NRK: variants seen among roughly 807,000 people sequenced by gnomAD.
NRK encodes Nik related kinase, also known as nik-related protein kinase.
A neutral mutation model predicts 125.2 loss-of-function variants in NRK; 67 were observed. The ratio of observed to expected loss-of-function variants is 0.54; its 90% CI spans 0.44 to 0.66. The LOEUF is 0.66. Ranked by LOEUF, NRK falls within the 30% of genes least tolerant of loss-of-function variation. The pLI is 0.00. For missense variants in NRK, 1,224 were observed against 1,192.9 expected, an observed-to-expected ratio of 1.03 and a Z score of -0.38; for synonymous variants, 458 against 429.0, an observed-to-expected ratio of 1.07 and a Z score of -0.84.
rs755044171 is a variant in NRK, at chrX:105,837,798, T to C, written c.123+6679T>C. 3.6e-5 allele frequency among the ~76,000 whole-genome samples: 4 copies of C among 111,438 alleles called. No homozygotes were observed. In the South Asian group the frequency reaches 1.5e-3, roughly 42 times the overall value. ...GAGGAATGTTTAGTATTTGACCATG[T>C]GAGGCCATATTAGAAAAAAGAAAAT... On this transcript the variant is annotated intron_variant, in intron 2 of 28. Coordinates refer to ENST00000243300, the MANE Select transcript of NRK (RefSeq NM_198465.4).
intron 21 of NRK, among the ~76,000 whole-genome samples, chrX:105,936,012 A>T (rs1029939501): frequency 1.8e-5 from 2 of 110,235 alleles, no homozygotes; most frequent in East Asian, 5.6e-4. Context: ...ACTCTGATAG[A>T]CTTTTTAAAA....
At chrX:105,911,149 A>G (rs2040296257) in intron 13 of NRK, among the ~76,000 whole-genome samples, 1 of 111,713 alleles carries the variant, frequency 9.0e-6, no homozygotes, top group African/African-American at 3.3e-5. Context: ...TTTCATCTGT[A>G]CCCTTTTGAA....
rs1390312214 is a variant in NRK, at chrX:105,922,060, A to T, written c.2609A>T (p.His870Leu). ...GATCAGAAGTTGCTGGTTGACATCCATGTAAGTTTCCATCTTAACACATTA... is the reference window on the plus strand; with the variant it reads ...GATCAGAAGTTGCTGGTTGACATCCTTGTAAGTTTCCATCTTAACACATTA... The part of the protein sequence containing the change: ...TIDQKLLVDI[H>L]VPDGFKVGKI... The change falls in exon 17 of 29, where the codon CAT becomes CTT. Residue 870 changes from histidine to leucine, a missense_variant and splice_region_variant. Physicochemically the swap from His to Leu is moderately conservative, Grantham distance 99 (BLOSUM62 -3). Coordinates refer to ENST00000243300, the MANE Select transcript of NRK (RefSeq NM_198465.4). 1 of 1,042,674 alleles carries T rather than the reference A, an allele frequency of 9.6e-7. No homozygotes were observed. Among genetic ancestry groups the T allele is most frequent in the Non-Finnish European group, 1.3e-6 (1 of 746,292 alleles). The allele number at this position is 1,042,674 out of a possible 1,213,427, so 85.9% of individuals were successfully genotyped here. A position where few individuals can be genotyped will look rare whatever the true frequency, so the allele number is the denominator to read the frequency against.
chrX:105,869,340 A>G (rs190039489), intron 2 of NRK, among the ~76,000 whole-genome samples: 171 of 111,796 alleles, frequency 1.5e-3, no homozygotes, highest in Middle Eastern at 4.7e-3. Flanking sequence ...GTCTATGTTT[A>G]AAAGCATTGA....
chrX:105,835,287 T>TG (rs889561630), intron 2 of NRK, among the ~76,000 whole-genome samples: 5 of 111,352 alleles, frequency 4.5e-5, no homozygotes, highest in African/African-American at 1.3e-4. Context: ...TGTGCATATG[T>TG]GGGGGTTGGT....
At chrX:105,858,029 C>T (rs2039554109) in intron 2 of NRK, among the ~76,000 whole-genome samples, 1 of 111,266 alleles carries the variant, frequency 9.0e-6, no homozygotes, top group African/African-American at 3.3e-5. Context: ...GTTCTCTTCT[C>T]TATCTTCTCT....
intron 1 of NRK, among the ~76,000 whole-genome samples, chrX:105,829,243 C>G (rs146104122): frequency 0.059 from 6,547 of 111,755 alleles, 181 homozygotes; most frequent in Non-Finnish European, 0.093. Context: ...GATGTAATCC[C>G]AAAGCTGTGT....
intron 21 of NRK, 28 bp from the exon 22 acceptor site, chrX:105,937,411 T>G: frequency 1.8e-6 from 2 of 1,084,611 alleles, no homozygotes; most frequent in Non-Finnish European, 2.5e-6. Context: ...TAATCTGAGC[T>G]AATATAGCAC....
chrX:105,824,744 G>T (rs1417302348), intron 1 of NRK, among the ~76,000 whole-genome samples: 1 of 111,201 alleles, frequency 9.0e-6, no homozygotes, highest in Non-Finnish European at 1.9e-5. Context: ...TTGCAGTTCA[G>T]TGGAATATTA....
chrX:105,900,548 TG>T (rs1353273331), intron 8 of NRK, 69 bp from the exon 9 acceptor site: 1 of 689,021 alleles, frequency 1.5e-6, no homozygotes, highest in Non-Finnish European at 2.3e-6. Flanking sequence ...AGCTAAACAT[TG>T]TTTTGAGATT....
At position 105,909,565 on chromosome X, in the gene NRK, G is replaced by C. The variant is rs200904424; in HGVS notation, c.1924G>C (p.Gly642Arg). 108 of 1,204,464 alleles carry C rather than the reference G, an allele frequency of 9.0e-5. 1 individual carries two copies. In the Admixed American group the frequency reaches 1.9e-3, roughly 21 times the overall value. The stretch of plus-strand genomic sequence containing the variant: ...TGGCTCAGTTCAAGCACTGATAGAG[G>C]GACTATCAAGAGACTTGCTTCGGGC... ...AIGSVQALIE[G>R]LSRDLLRAPN... The change falls in exon 13 of 29, where the codon GGA (glycine) becomes CGA (arginine). Residue 642 changes from glycine to arginine, a missense_variant. Gly to Arg is a moderately radical substitution (Grantham distance 125). Coordinates refer to ENST00000243300, the MANE Select transcript of NRK (RefSeq NM_198465.4).
intron 3 of NRK, among the ~76,000 whole-genome samples, chrX:105,881,410 A>T (rs931960313): frequency 5.4e-5 from 6 of 111,775 alleles, no homozygotes; most frequent in Non-Finnish European, 1.1e-4. Context: ...ATCATGTTCA[A>T]CCCATGGAAG....
At chrX:105,875,798 T>A (rs2039807995) in intron 2 of NRK, among the ~76,000 whole-genome samples, 1 of 110,981 alleles carries the variant, frequency 9.0e-6, no homozygotes, top group Non-Finnish European at 1.9e-5. Flanking sequence ...CAAAGCATTG[T>A]TACTACCTAT....
At chrX:105,882,439 A>T (rs2039895687) in intron 4 of NRK, among the ~76,000 whole-genome samples, 1 of 111,315 alleles carries the variant, frequency 9.0e-6, no homozygotes, top group Admixed American at 9.6e-5. Context: ...CTCCAGAATA[A>T]AACCAACCAA....
At chrX:105,911,382 A>G (rs138593920) in intron 13 of NRK, among the ~76,000 whole-genome samples, 5 of 111,692 alleles carry the variant, frequency 4.5e-5, no homozygotes, top group Non-Finnish European at 9.4e-5. Context: ...CCCCACATCC[A>G]TTTGTGTAAA....
Position 105,909,740 on chromosome X carries a change from C to T in NRK, c.2099C>T (p.Ser700Leu), listed in dbSNP as rs2040272463. The T allele has an allele frequency of 8.5e-7, 1 of 1,182,932 alleles. No individual in the cohort carries two copies. The highest frequency in any genetic ancestry group is 1.1e-6 in the Non-Finnish European group (1 of 880,398). Reference sequence around the variant, plus strand: ...AGGCAAGCACTGGCAAAAAGACTATCACCAAAGAGGTTCAGGGCAAAGTCA... The same window carrying T: ...AGGCAAGCACTGGCAAAAAGACTATTACCAAAGAGGTTCAGGGCAAAGTCA... ...TLRQALAKRL[S>L]PKRFRAKSSW... Residue 700 changes from serine (S) to leucine (L), a missense_variant, in exon 13 of 29, where the codon TCA (serine) becomes TTA (leucine). Physicochemically the swap from Ser to Leu is moderately radical, Grantham distance 145. Transcript: ENST00000243300.
At chrX:105,921,138 A>G (rs2040438695) in intron 16 of NRK, among the ~76,000 whole-genome samples, 1 of 105,885 alleles carries the variant, frequency 9.4e-6, no homozygotes, top group Non-Finnish European at 1.9e-5. Flanking sequence ...ACACCATGGA[A>G]TACTATGCAG....
At chrX:105,871,673 A>C (rs989849139) in intron 2 of NRK, among the ~76,000 whole-genome samples, 27 of 111,396 alleles carry the variant, frequency 2.4e-4, no homozygotes, top group African/African-American at 8.8e-4. Context: ...AGTAGGGGAG[A>C]TAGATAGGCA....
At chrX:105,894,330 C>A (rs1402139220) in intron 6 of NRK, among the ~76,000 whole-genome samples, 3 of 111,939 alleles carry the variant, frequency 2.7e-5, no homozygotes, top group Non-Finnish European at 5.7e-5. Context: ...TATGGAATGG[C>A]CTCAAACCAA....
Sources: allele counts gnomAD v4.1 joint callset (sites outside exome capture counted in the v4.1 genomes callset), GRCh38; gene constraint gnomAD v4.1.1; transcripts MANE v1.5; gene names NCBI Gene and HGNC (gene_info 2026-07-23, HGNC 2026-07-21).